CD2AP: variants seen among roughly 807,000 people sequenced by gnomAD.
CD2AP encodes CD2-associated protein.
In CD2AP, 46 loss-of-function variants were observed where a neutral mutation model predicts 85.1. That is an observed-to-expected ratio of 0.54 (90% confidence interval 0.43 to 0.69). CD2AP has a LOEUF of 0.69. Ranked by LOEUF, CD2AP falls within the 30% of genes least tolerant of loss-of-function variation. CD2AP has a pLI of 0.00. For missense variants in CD2AP, 769 were observed against 729.5 expected (o/e 1.05, Z -0.62); for synonymous variants, 255 against 252.9 (o/e 1.01, Z -0.08).
intron 1 of CD2AP, among the ~76,000 whole-genome samples, chr6:47,487,087 CCTGA>C (rs549203014): frequency 2.4e-3 from 372 of 152,206 alleles, no homozygotes; most frequent in African/African-American, 8.3e-3. Context: ...GAGTATTTTG[CCTGA>C]CTGTTTTGGT....
intron 4 of CD2AP, among the ~76,000 whole-genome samples, chr6:47,547,765 T>C (rs1189277233): frequency 6.6e-6 from 1 of 152,124 alleles, no homozygotes; most frequent in Non-Finnish European, 1.5e-5. Context: ...AGATAGACCA[T>C]ATGATAGGCC....
At chr6:47,590,892 A>G (rs535782787) in intron 11 of CD2AP, among the ~76,000 whole-genome samples, 1 of 152,212 alleles carries the variant, frequency 6.6e-6, no homozygotes, top group Non-Finnish European at 1.5e-5. Context: ...CATTGAGGCA[A>G]GGAATTGAAG....
rs6923068 is a variant in CD2AP at position 47,599,005 on chromosome 6, C to T, written c.1275-296C>T. 9.4e-3 allele frequency among the ~76,000 whole-genome samples: 1,408 copies of T among 149,620 alleles called. 37 individuals are homozygous for T. The highest frequency in any genetic ancestry group is 0.033 in the African/African-American group (1,349 of 41,144). On this transcript the variant is annotated intron_variant, in intron 12 of 17. Transcript: ENST00000359314. The stretch of plus-strand genomic sequence containing the variant: ...ACTGTTGCTTACCTTCCAGAGTTGT[C>T]CTTCTATTGTTGCAATTTAATTTTT...
At chr6:47,502,554 C>T (rs1463296017) in intron 1 of CD2AP, among the ~76,000 whole-genome samples, 3 of 147,464 alleles carry the variant, frequency 2.0e-5, no homozygotes, top group Admixed American at 6.9e-5. Flanking sequence ...AGTGCAGTAG[C>T]ACGTTCTTGG....
chr6:47,612,274 C>A (rs1375229128), intron 16 of CD2AP, among the ~76,000 whole-genome samples, 199 bp from the exon 17 acceptor site: 1 of 152,008 alleles, frequency 6.6e-6, no homozygotes. Context: ...TCAGATTTGT[C>A]TTGGTTTTGC....
At chr6:47,589,565 C>CACACACACATATATAT (rs139814970) in intron 11 of CD2AP, among the ~76,000 whole-genome samples, 10 of 120,942 alleles carry the variant, frequency 8.3e-5, no homozygotes, top group African/African-American at 3.0e-4. Flanking sequence ...CACACACACA[C>CACACACACATATATAT]ATATATATAT....
intron 5 of CD2AP, among the ~76,000 whole-genome samples, chr6:47,571,992 ATTGT>A (rs1326516910): frequency 6.6e-6 from 1 of 152,206 alleles, no homozygotes; most frequent in Non-Finnish European, 1.5e-5. Context: ...GGGCTGGATA[ATTGT>A]TTGTTTTCAG....
At chr6:47,579,025 T>A (rs900190449) in intron 8 of CD2AP, among the ~76,000 whole-genome samples, 3 of 152,208 alleles carry the variant, frequency 2.0e-5, no homozygotes, top group Non-Finnish European at 4.4e-5. Context: ...AAAATTGATA[T>A]AGTTTTTAAA....
Position 47,477,848 on chromosome 6 carries a change from G to C in CD2AP, c.-397G>C, listed in dbSNP as rs974615554. 3.4e-6 allele frequency: 1 copy of C among 297,650 alleles called. No homozygotes were observed. The highest frequency in any genetic ancestry group is 6.3e-6 in the Non-Finnish European group (1 of 159,122). 18.4% of individuals were successfully genotyped at this position (297,650 alleles called of 1,614,324 possible). On this transcript the variant is annotated 5_prime_UTR_variant, in exon 1 of 18. Coordinates refer to ENST00000359314, the MANE Select transcript of CD2AP (RefSeq NM_012120.3). ...GCCTTTTCTAACTGCGAGTGCTAAG[G>C]AAGAGGCGAGGGGCGGGCTCCGAGG...
chr6:47,504,673 A>G (rs752058905), intron 2 of CD2AP, among the ~76,000 whole-genome samples: 16 of 143,656 alleles, frequency 1.1e-4, no homozygotes, highest in Non-Finnish European at 2.2e-4. Context: ...TTATTCTGCT[A>G]CAGGGGTACC....
chr6:47,488,271 TAA>T (rs1765619152), intron 1 of CD2AP, among the ~76,000 whole-genome samples: 1 of 152,144 alleles, frequency 6.6e-6, no homozygotes, highest in South Asian at 2.1e-4. Flanking sequence ...ATTTTTAGCT[TAA>T]AGAGTTTGTT....
chr6:47,478,893 C>T (rs1765378183), intron 1 of CD2AP, among the ~76,000 whole-genome samples: 2 of 152,086 alleles, frequency 1.3e-5, no homozygotes, highest in Non-Finnish European at 2.9e-5. Flanking sequence ...GGAGCAGTTT[C>T]CTGTTTGGAG....
intron 2 of CD2AP, among the ~76,000 whole-genome samples, chr6:47,519,135 G>A (rs1766522792): frequency 6.6e-6 from 1 of 152,180 alleles, no homozygotes; most frequent in African/African-American, 2.4e-5. Flanking sequence ...TGGTGGGGCA[G>A]ACAAATATGC....
At chr6:47,548,348 C>A (rs1767421875) in intron 4 of CD2AP, among the ~76,000 whole-genome samples, 1 of 152,080 alleles carries the variant, frequency 6.6e-6, no homozygotes, top group Admixed American at 6.5e-5. Flanking sequence ...CAAATAAGCT[C>A]AGTTAGAAAC....
intron 3 of CD2AP, among the ~76,000 whole-genome samples, chr6:47,544,075 T>C (rs575236880): frequency 2.0e-5 from 3 of 152,000 alleles, no homozygotes; most frequent in African/African-American, 7.2e-5. Flanking sequence ...ATGAAGCTTG[T>C]TTGAAAAGCT....
At chr6:47,582,795 G>GTTTTTTTTTTTTTT (rs146539285) in intron 11 of CD2AP, among the ~76,000 whole-genome samples, 1 of 91,410 alleles carries the variant, frequency 1.1e-5, no homozygotes, top group Non-Finnish European at 2.4e-5. Context: ...TTTTTGTTTT[G>GTTTTTTTTTTTTTT]TTTTTTTTTT....
chr6:47,489,141 C>G (rs1342913891), intron 1 of CD2AP: 1 of 146,192 alleles, frequency 6.8e-6, no homozygotes, highest in African/African-American at 2.5e-5. Flanking sequence ...CTCTTCCCTG[C>G]TTTTCATTAC....
rs542543758 is a variant in CD2AP at position 47,598,936 on chromosome 6, A to T, written c.1275-365A>T. Among the ~76,000 whole-genome samples, 18 of 149,620 alleles carry T rather than the reference A, an allele frequency of 1.2e-4. 1 individual carries two copies. Among genetic ancestry groups the T allele is most frequent in the South Asian group, 2.1e-4 (1 of 4,740 alleles). On this transcript the variant is annotated intron_variant, in intron 12 of 17. Coordinates refer to ENST00000359314, the MANE Select transcript of CD2AP (RefSeq NM_012120.3). ...TAATCTAAAATAATAAAAAAAATTT[A>T]AAAAAAAATACAGGAGCATTCTGTA... is the stretch of plus-strand genomic sequence containing the variant.
At chr6:47,552,652 C>T (rs1229022057) in intron 4 of CD2AP, among the ~76,000 whole-genome samples, 2 of 152,144 alleles carry the variant, frequency 1.3e-5, no homozygotes, top group African/African-American at 2.4e-5. Context: ...TACTCTGCCT[C>T]CTAAACCTAA....
Sources: gnomAD v4.1 joint callset for allele counts (sites outside exome capture counted in the v4.1 genomes callset) on GRCh38, gnomAD v4.1.1 for gene constraint, MANE v1.5 for transcripts, NCBI Gene and HGNC (gene_info 2026-07-23, HGNC 2026-07-21) for gene names.